RXFP2: variants seen among roughly 807,000 people sequenced by gnomAD.
RXFP2 encodes the protein relaxin family peptide receptor 2, also known as relaxin receptor 2.
Under a neutral mutation model 88.6 loss-of-function variants are expected in RXFP2, and 68 were observed. That is an observed-to-expected ratio of 0.77 (90% CI 0.63 to 0.94). The LOEUF (loss-of-function observed/expected upper bound fraction) is 0.94, where lower values mean the gene tolerates loss of function less well. Among genes scored for constraint, RXFP2 ranks in the 40% least tolerant of loss-of-function variants. The pLI is 0.00. For synonymous variants in RXFP2, 329 were observed against 306.8 expected (o/e 1.07, Z -0.76); for missense variants, 791 against 893.9 (o/e 0.88, Z 1.47).
At chr13:31,792,129 A>T in intron 15 of RXFP2, 94 bp downstream of exon 15, 1 of 922,448 alleles carries the variant, frequency 1.1e-6, no homozygotes, top group East Asian at 2.6e-5. Context: ...AACAAATGGC[A>T]TTTAATGTGA....
In RXFP2 at chr13:31,803,329, C is replaced by T. The variant is rs1566241900; in HGVS notation, c.*924C>T. ...GAAGTTTGGGGTGGTTTTTTGAAAA[C>T]GAAACTGAAAAAAATTATATGTGAA... On this transcript the variant is annotated 3_prime_UTR_variant, in exon 18 of 18. Coordinates refer to ENST00000298386, the MANE Select transcript of RXFP2 (RefSeq NM_130806.5). 3 of 151,676 alleles carry T rather than the reference C, an allele frequency of 2.0e-5. No individual in the cohort carries two copies. The highest frequency in any genetic ancestry group is 1.3e-4 in the Admixed American group (2 of 15,236). The allele number at this position is 151,676 out of a possible 1,614,324, so 9.4% of individuals were successfully genotyped here.
At chr13:31,748,714 G>A (rs995591255) in intron 1 of RXFP2, among the ~76,000 whole-genome samples, 31 of 152,132 alleles carry the variant, frequency 2.0e-4, no homozygotes. Flanking sequence ...CAGGCACTGT[G>A]TAAAAATCTC....
chr13:31,778,408 A>G, intron 8 of RXFP2, 104 bp from the exon 9 acceptor site: 1 of 777,322 alleles, frequency 1.3e-6, no homozygotes, highest in South Asian at 1.5e-5. Flanking sequence ...TCATCATAAG[A>G]TATTAATTTT....
rs1555281829 is a variant in RXFP2, at chr13:31,760,073, G to GT, written c.242-1649dup. 6.1e-3 allele frequency among the ~76,000 whole-genome samples: 925 copies of GT among 150,668 alleles called. 12 individuals carry two copies. The highest frequency in any genetic ancestry group is 0.021 in the African/African-American group (865 of 40,718). On this transcript the variant is annotated intron_variant, in intron 2 of 17. Transcript: ENST00000298386. ...AATGCCTTATCTTTTCAGTGTTGTT[G>GT]TTGTTTGTTTGTTTGTTTGTTTGTT...
Position 31,797,223 on chromosome 13 carries a change from C to T in RXFP2, c.1809C>T (p.Leu603=), listed in dbSNP as rs1874093083. 1.9e-6 allele frequency: 3 copies of T among 1,613,298 alleles called. No individual in the cohort carries two copies. The highest frequency in any genetic ancestry group is 1.3e-5 in the African/African-American group (1 of 74,882). The change falls in exon 17 of 18, where the codon CTC becomes CTT. Residue 603 remains leucine (L), a synonymous_variant. Transcript: ENST00000298386. The part of the protein sequence containing the change: ...IFLGVNLLAF[L]IIVFSYITMF... ...CAGGTGTGAACTTGCTGGCTTTTCT[C>T]ATCATTGTGTTTTCCTATATTACTA...
intron 14 of RXFP2, 87 bp downstream of exon 14, chr13:31,789,280 T>A: frequency 1.1e-6 from 1 of 874,146 alleles, no homozygotes; most frequent in South Asian, 1.3e-5. Context: ...CACTGCAATG[T>A]GTTTCTATGC....
chr13:31,778,420 G>T, intron 8 of RXFP2, 92 bp from the exon 9 acceptor site: 1 of 849,892 alleles, frequency 1.2e-6, no homozygotes, highest in Non-Finnish European at 2.0e-6. Context: ...ATTAATTTTA[G>T]CACGCAAGTT....
chr13:31,769,009 A>C (rs1593457238), intron 5 of RXFP2, among the ~76,000 whole-genome samples: 1 of 152,336 alleles, frequency 6.6e-6, no homozygotes, highest in East Asian at 1.9e-4. Flanking sequence ...GCAGGAGAGC[A>C]GTAGCTAGCA....
chr13:31,800,337 G>A (rs970687896), intron 17 of RXFP2, among the ~76,000 whole-genome samples: 24 of 152,188 alleles, frequency 1.6e-4, no homozygotes, highest in African/African-American at 5.6e-4. Flanking sequence ...TTGGGAGGCC[G>A]AGGTGGGCAG....
chr13:31,749,359 A>G (rs145609141), intron 1 of RXFP2, among the ~76,000 whole-genome samples: 26 of 152,270 alleles, frequency 1.7e-4, no homozygotes, highest in Non-Finnish European at 2.9e-4. Flanking sequence ...ATGTCTTGCC[A>G]TACAGATAAT....
chr13:31,759,941 C>A (rs766760985), intron 2 of RXFP2, among the ~76,000 whole-genome samples: 3 of 152,138 alleles, frequency 2.0e-5, no homozygotes, highest in Non-Finnish European at 2.9e-5. Context: ...TCTCCTCCTC[C>A]AGGAGGGCTT....
At chr13:31,745,719 A>G (rs1430471584) in intron 1 of RXFP2, among the ~76,000 whole-genome samples, 10 of 152,234 alleles carry the variant, frequency 6.6e-5, no homozygotes, top group African/African-American at 2.4e-4. Flanking sequence ...ATGAAAAAGC[A>G]TAGTATCAGT....
chr13:31,765,420 T>C (rs979249456), intron 4 of RXFP2, among the ~76,000 whole-genome samples: 6 of 136,528 alleles, frequency 4.4e-5, no homozygotes, highest in African/African-American at 1.6e-4. Flanking sequence ...CTACTGTCCT[T>C]GTGTTGAAAT....
At chr13:31,793,394 G>T (rs1873886035) in intron 16 of RXFP2, among the ~76,000 whole-genome samples, 2 of 150,712 alleles carry the variant, frequency 1.3e-5, no homozygotes, top group South Asian at 4.2e-4. Flanking sequence ...TTCCAGTTTA[G>T]TGCCTCATCC....
chr13:31,770,576 G>A (rs1031378915), intron 5 of RXFP2, among the ~76,000 whole-genome samples: 2 of 152,118 alleles, frequency 1.3e-5, no homozygotes, highest in African/African-American at 2.4e-5. Flanking sequence ...ATAAGCAGTT[G>A]TTCCTTTTAT....
chr13:31,756,163 T>A (rs1414063442), intron 1 of RXFP2, among the ~76,000 whole-genome samples: 1 of 152,226 alleles, frequency 6.6e-6, no homozygotes, highest in Non-Finnish European at 1.5e-5. Flanking sequence ...ACATCATTTG[T>A]TAATGAGAGC....
chr13:31,740,112 G>A (rs372402197), intron 1 of RXFP2, among the ~76,000 whole-genome samples: 3 of 152,036 alleles, frequency 2.0e-5, no homozygotes, highest in Non-Finnish European at 2.9e-5. Flanking sequence ...ACTATCTTGC[G>A]TGAACATAAT....
Position 31,789,151 on chromosome 13 carries a change from T to C in RXFP2, c.1103T>C (p.Ile368Thr). The change falls in exon 14 of 18, where the codon ATA becomes ACA. Residue 368 changes from isoleucine (I) to threonine (T), a missense_variant. Coordinates refer to ENST00000298386, the MANE Select transcript of RXFP2 (RefSeq NM_130806.5). ...CTGGAAAGGATAGAGATTCCAAATATAAACACACGAATGTTTCAACCCATG... is the reference window on the plus strand; with the variant it reads ...CTGGAAAGGATAGAGATTCCAAATACAAACACACGAATGTTTCAACCCATG... ...LDLERIEIPN[I>T]NTRMFQPMKN... is the part of the protein sequence containing the mutation. The C allele has an allele frequency of 1.2e-6, 2 of 1,608,828 alleles. No individual in the cohort carries two copies. The highest frequency in any genetic ancestry group is 1.7e-6 in the Non-Finnish European group (2 of 1,176,114).
intron 17 of RXFP2, among the ~76,000 whole-genome samples, chr13:31,799,039 A>G (rs1421674577): frequency 6.6e-6 from 1 of 152,156 alleles, no homozygotes; most frequent in African/African-American, 2.4e-5. Context: ...TGTGTCCTTC[A>G]GATGATAAGC....
Sources: allele counts gnomAD v4.1 joint callset (sites outside exome capture counted in the v4.1 genomes callset), GRCh38; gene constraint gnomAD v4.1.1; transcripts MANE v1.5; gene names NCBI Gene and HGNC (gene_info 2026-07-23, HGNC 2026-07-21).